The following SECISBP2L variants were observed in gnomAD, a reference collection of about 807,000 sequenced individuals.
The protein encoded by SECISBP2L is selenocysteine insertion sequence-binding protein 2-like.
SECISBP2L carries 43 observed loss-of-function variants against 114.7 expected under a neutral mutation model. The ratio of observed to expected loss-of-function variants is 0.38; its 90% CI spans 0.29 to 0.48. The LOEUF is 0.48. Ranked by LOEUF, SECISBP2L falls within the 20% of genes least tolerant of loss-of-function variation. The pLI, the probability that SECISBP2L is intolerant of heterozygous loss-of-function variation, is 0.98. For synonymous variants in SECISBP2L, 451 were observed against 439.7 expected (o/e 1.03, Z -0.32); for missense variants, 1,136 against 1,301.1 (o/e 0.87, Z 1.95).
intron 1 of SECISBP2L, chr15:49,042,606 A>T (rs1391794001): frequency 2.0e-5 from 3 of 152,294 alleles, no homozygotes; most frequent in African/African-American, 7.2e-5. Context: ...TAGCCTCCTT[A>T]GCAGCTGGGA....
At chr15:49,042,417 A>G (rs767336765) in intron 1 of SECISBP2L, 3 of 152,234 alleles carry the variant, frequency 2.0e-5, no homozygotes, top group Admixed American at 6.5e-5. Flanking sequence ...ACTGATCAGC[A>G]CCAGAGTTTC....
intron 14 of SECISBP2L, among the ~76,000 whole-genome samples, chr15:49,004,682 G>A (rs532232788): frequency 6.6e-6 from 1 of 152,200 alleles, no homozygotes; most frequent in African/African-American, 2.4e-5. Flanking sequence ...CCTTAATTTC[G>A]TTATTTACCC....
chr15:49,044,069 T>C (rs1903194264), intron 1 of SECISBP2L, among the ~76,000 whole-genome samples: 1 of 152,150 alleles, frequency 6.6e-6, no homozygotes, highest in African/African-American at 2.4e-5. Flanking sequence ...ACCAAACTTC[T>C]ATGAATTGCT....
chr15:49,011,989 T>A, intron 12 of SECISBP2L, 126 bp from the exon 13 acceptor site: 1 of 1,047,122 alleles, frequency 9.5e-7, no homozygotes, highest in Non-Finnish European at 1.4e-6. Context: ...TTTGGCTAAC[T>A]GGCAAAAAGG....
chr15:49,020,207 ACTTG>A (rs1355373009), intron 7 of SECISBP2L, among the ~76,000 whole-genome samples: 3 of 152,100 alleles, frequency 2.0e-5, no homozygotes, highest in Non-Finnish European at 4.4e-5. Context: ...ACTGCATATT[ACTTG>A]CTTATTTTTT....
At chr15:49,001,803 T>TA (rs2141062724) in intron 14 of SECISBP2L, 1 of 152,402 alleles carries the variant, frequency 6.6e-6, no homozygotes, top group South Asian at 2.1e-4. Context: ...CATCCTTTTT[T>TA]ATGGCTATAT....
At chr15:48,996,287 TTAAAAA>T in intron 17 of SECISBP2L, 74 bp downstream of exon 17, 1 of 1,304,150 alleles carries the variant, frequency 7.7e-7, no homozygotes, top group Non-Finnish European at 1.1e-6. Flanking sequence ...AGAATAAAGA[TTAAAAA>T]TAAAAGGTAG....
At chr15:49,033,819 C>T (rs1042871268) in intron 3 of SECISBP2L, among the ~76,000 whole-genome samples, 7 of 152,222 alleles carry the variant, frequency 4.6e-5, no homozygotes, top group African/African-American at 1.7e-4. Context: ...CTGACAGAGA[C>T]CGACCCTGTC....
chr15:49,040,402 T>C (rs1432203299), intron 1 of SECISBP2L, among the ~76,000 whole-genome samples: 1 of 152,120 alleles, frequency 6.6e-6, no homozygotes, highest in Non-Finnish European at 1.5e-5. Context: ...CTTTCTCCTA[T>C]AGCTACAACT....
intron 4 of SECISBP2L, among the ~76,000 whole-genome samples, chr15:49,032,569 T>G (rs1183121207): frequency 2.0e-5 from 3 of 152,208 alleles, no homozygotes; most frequent in African/African-American, 7.2e-5. Context: ...ACTTCCTAAG[T>G]TCTTTCTACA....
At chr15:49,025,447 C>A (rs1902721599) in intron 7 of SECISBP2L, among the ~76,000 whole-genome samples, 1 of 152,040 alleles carries the variant, frequency 6.6e-6, no homozygotes, top group Non-Finnish European at 1.5e-5. Flanking sequence ...ATGCACATAG[C>A]CGGAAGGTAA....
chr15:49,037,094 G>A (rs1903025592), intron 2 of SECISBP2L, among the ~76,000 whole-genome samples: 1 of 151,674 alleles, frequency 6.6e-6, no homozygotes, highest in Admixed American at 6.6e-5. Flanking sequence ...ACCTAATTGC[G>A]GGCAATTTTG....
Position 49,017,704 on chromosome 15 carries a change from A to G in SECISBP2L, c.1171-76T>C, listed in dbSNP as rs1056477708. On this transcript the variant is annotated intron_variant, in intron 8 of 17. Transcript: ENST00000559471. ...CTTTTTATAATGCTTAGAAGTATTG[A>G]AAAATGAGGAAGTTATTTCTTGTAT... 139 of 957,350 alleles carry G rather than the reference A, an allele frequency of 1.5e-4. 1 individual carries two copies. The highest frequency in any genetic ancestry group is 1.4e-3 in the Admixed American group (48 of 33,834). The allele number at this position is 957,350 out of a possible 1,614,324, so 59.3% of individuals were successfully genotyped here.
intron 14 of SECISBP2L, among the ~76,000 whole-genome samples, chr15:49,008,233 G>A (rs1902363707): frequency 6.6e-6 from 1 of 152,064 alleles, no homozygotes; most frequent in African/African-American, 2.4e-5. Flanking sequence ...CTTCTTTAGT[G>A]CAAAAAAGTT....
intron 14 of SECISBP2L, among the ~76,000 whole-genome samples, chr15:49,003,305 C>A (rs1902248302): frequency 6.6e-6 from 1 of 152,190 alleles, no homozygotes; most frequent in South Asian, 2.1e-4. Context: ...TGAGACTTTG[C>A]TGAAGTTGCT....
intron 4 of SECISBP2L, 65 bp from the exon 5 acceptor site, chr15:49,028,747 CA>C: frequency 1.5e-6 from 2 of 1,331,748 alleles, no homozygotes; most frequent in Non-Finnish European, 2.1e-6. Context: ...CTCATTAAAT[CA>C]TCATTAAGAT....
intron 7 of SECISBP2L, among the ~76,000 whole-genome samples, chr15:49,027,042 A>T (rs1158084108): frequency 6.6e-6 from 1 of 152,262 alleles, no homozygotes; most frequent in Non-Finnish European, 1.5e-5. Context: ...AAGAATCAAT[A>T]TTTAAAGCAC....
chr15:49,044,687 A>C (rs1188876077), intron 1 of SECISBP2L, among the ~76,000 whole-genome samples: 1 of 152,196 alleles, frequency 6.6e-6, no homozygotes, highest in African/African-American at 2.4e-5. Flanking sequence ...AGGTTTTAAT[A>C]GGTCGTGGAC....
chr15:48,993,124 T>A (rs1334850424), intron 17 of SECISBP2L, among the ~76,000 whole-genome samples, 198 bp from the exon 18 acceptor site: 5 of 151,594 alleles, frequency 3.3e-5, no homozygotes, highest in East Asian at 1.9e-4. Flanking sequence ...TGTGTGTGTG[T>A]GTGTGTGTGT....
Sources: allele counts gnomAD v4.1 joint callset (sites outside exome capture counted in the v4.1 genomes callset), GRCh38; gene constraint gnomAD v4.1.1; transcripts MANE v1.5; gene names NCBI Gene and HGNC (gene_info 2026-07-23, HGNC 2026-07-21).